The following LRBA variants were observed in gnomAD, a reference collection of about 807,000 sequenced individuals.
LRBA encodes lipopolysaccharide-responsive and beige-like anchor protein.
LRBA carries 176 observed loss-of-function variants against 330.0 expected under a neutral mutation model. That is an observed-to-expected ratio of 0.53 (90% CI 0.47 to 0.60). LRBA has a LOEUF of 0.60. Ranked by LOEUF, LRBA falls within the 20% of genes least tolerant of loss-of-function variation. LRBA has a pLI of 0.00. For synonymous variants in LRBA, 1,230 were observed against 1,193.0 expected (o/e 1.03, Z -0.64); for missense variants, 3,259 against 3,444.8 (o/e 0.95, Z 1.35).
At chr4:150,416,634 T>TAA (rs57095412) in intron 46 of LRBA, among the ~76,000 whole-genome samples, 66 of 142,562 alleles carry the variant, frequency 4.6e-4, no homozygotes, top group African/African-American at 9.1e-4. Flanking sequence ...ACTGAACAAT[T>TAA]AAAAAAAAAA....
At chr4:150,295,194 CTT>C (rs146893381) in intron 53 of LRBA, among the ~76,000 whole-genome samples, 143 of 113,792 alleles carry the variant, frequency 1.3e-3, no homozygotes, top group East Asian at 3.4e-3. Context: ...ATTAAAATAG[CTT>C]TTTTTTTTTT....
intron 22 of LRBA, among the ~76,000 whole-genome samples, chr4:150,863,882 T>C (rs1284251330): frequency 5.9e-5 from 9 of 152,176 alleles, no homozygotes; most frequent in South Asian, 2.1e-4. Context: ...AAATATCCTA[T>C]TATTTTCTAA....
rs554552199 is a variant in LRBA, at chr4:150,714,330, TTA to T, written c.5754+20926_5754+20927del. Among the ~76,000 whole-genome samples, 60 of 152,318 alleles carry T rather than the reference TTA, an allele frequency of 3.9e-4. 1 individual carries two copies. The highest frequency in any genetic ancestry group is 3.2e-3 in the Admixed American group (49 of 15,306). On this transcript the variant is annotated intron_variant, in intron 36 of 56. Transcript: ENST00000651943. ...TTTAATGAAAGCTATTATTTTAAAT[TTA>T]TGTTTTAACAGTATTTGATTAATAT... is the stretch of plus-strand genomic sequence containing the variant.
chr4:150,330,813 T>C (rs1485255604), intron 48 of LRBA, among the ~76,000 whole-genome samples: 1 of 152,114 alleles, frequency 6.6e-6, no homozygotes, highest in African/African-American at 2.4e-5. Context: ...ACCTTGCACA[T>C]AGTATTTAGA....
chr4:150,571,184 C>CT (rs892568884), intron 40 of LRBA, among the ~76,000 whole-genome samples: 34 of 148,792 alleles, frequency 2.3e-4, no homozygotes, highest in African/African-American at 3.2e-4. Context: ...TCTGCAGCTT[C>CT]TTTTTTTTTT....
intron 47 of LRBA, among the ~76,000 whole-genome samples, chr4:150,400,746 G>A (rs528212379): frequency 2.0e-5 from 3 of 152,204 alleles, no homozygotes; most frequent in Admixed American, 6.5e-5. Context: ...CTAGCTACTC[G>A]AGAAGCTCAC....
intron 53 of LRBA, among the ~76,000 whole-genome samples, chr4:150,292,729 A>C (rs2126806663): frequency 6.6e-6 from 1 of 152,332 alleles, no homozygotes; most frequent in African/African-American, 2.4e-5. Context: ...TTTATTTAAA[A>C]ATAACTTGAT....
chr4:150,624,083 A>G (rs1218855283), intron 37 of LRBA, among the ~76,000 whole-genome samples: 2 of 152,318 alleles, frequency 1.3e-5, no homozygotes, highest in African/African-American at 4.8e-5. Context: ...TTCAAGTAAA[A>G]TGTTTTTAAA....
At chr4:150,364,711 A>G (rs1739194225) in intron 47 of LRBA, among the ~76,000 whole-genome samples, 1 of 152,112 alleles carries the variant, frequency 6.6e-6, no homozygotes, top group South Asian at 2.1e-4. Flanking sequence ...TGACACATGC[A>G]TTTTTAAAAC....
chr4:150,819,342 A>T (rs1263766394), intron 30 of LRBA, among the ~76,000 whole-genome samples: 1 of 152,018 alleles, frequency 6.6e-6, no homozygotes, highest in Non-Finnish European at 1.5e-5. Flanking sequence ...TTAAGGTTAC[A>T]CAAGTGTATA....
intron 2 of LRBA, among the ~76,000 whole-genome samples, chr4:150,981,018 A>G (rs947543702): frequency 6.6e-5 from 10 of 152,144 alleles, no homozygotes; most frequent in African/African-American, 2.4e-4. Flanking sequence ...ACGGATTGCA[A>G]GAATCAATAC....
chr4:150,486,091 C>T (rs1411696181), intron 42 of LRBA, among the ~76,000 whole-genome samples: 1 of 151,840 alleles, frequency 6.6e-6, no homozygotes, highest in Non-Finnish European at 1.5e-5. Flanking sequence ...ATTCTCACCA[C>T]AGACACACAC....
intron 2 of LRBA, among the ~76,000 whole-genome samples, chr4:150,929,291 A>G (rs1379547002): frequency 6.6e-6 from 1 of 152,196 alleles, no homozygotes; most frequent in African/African-American, 2.4e-5. Context: ...AACAAAAACA[A>G]ATATAGGATG....
At chr4:150,671,085 A>C (rs1782027836) in intron 37 of LRBA, among the ~76,000 whole-genome samples, 1 of 149,610 alleles carries the variant, frequency 6.7e-6, no homozygotes, top group Non-Finnish European at 1.5e-5. Context: ...ATTAGGTTCT[A>C]AGAGTCCAAA....
intron 54 of LRBA, 134 bp downstream of exon 54, chr4:150,285,799 A>T (rs968215101): frequency 8.3e-6 from 4 of 483,604 alleles, no homozygotes; most frequent in Non-Finnish European, 1.4e-5. Flanking sequence ...AAATAATTTA[A>T]ATAGTTCCAT....
intron 46 of LRBA, among the ~76,000 whole-genome samples, chr4:150,419,161 A>G (rs1748218425): frequency 6.6e-6 from 1 of 152,164 alleles, no homozygotes; most frequent in African/African-American, 2.4e-5. Flanking sequence ...GCTGGATTTT[A>G]GCTTCCGTTC....
rs138944116 is a variant in LRBA at position 150,817,034 on chromosome 4, C to T, written c.5305+90G>A. ...TAAAAGTACAATGGTTTCTAATGTG[C>T]CCCCAAATTTTAAGTTAATCAAAAA... On this transcript the variant is annotated intron_variant, in intron 31 of 56. Transcript: ENST00000651943. 1,170 of 1,092,746 alleles carry T rather than the reference C, an allele frequency of 1.1e-3. 9 individuals are homozygous for T. The African/African-American group carries it at 0.014, about 13-fold the overall frequency. The allele number at this position is 1,092,746 out of a possible 1,614,324, so 67.7% of individuals were successfully genotyped here. A position where few individuals can be genotyped will look rare whatever the true frequency, so the allele number is the denominator to read the frequency against.
chr4:150,909,175 T>G (rs980188860), intron 9 of LRBA, among the ~76,000 whole-genome samples: 1 of 152,180 alleles, frequency 6.6e-6, no homozygotes, highest in African/African-American at 2.4e-5. Context: ...TATTTTTAAG[T>G]GTATAATTGA....
intron 40 of LRBA, among the ~76,000 whole-genome samples, chr4:150,523,280 G>A (rs1763121387): frequency 6.6e-6 from 1 of 152,138 alleles, no homozygotes; most frequent in Non-Finnish European, 1.5e-5. Flanking sequence ...ATTGGGCAGT[G>A]TGGTCTTTGG....
Sources: gnomAD v4.1 joint callset for allele counts (sites outside exome capture counted in the v4.1 genomes callset) on GRCh38, gnomAD v4.1.1 for gene constraint, MANE v1.5 for transcripts, NCBI Gene and HGNC (gene_info 2026-07-23, HGNC 2026-07-21) for gene names.